Variants in NCOA2 observed in about 807,000 individuals in gnomAD.
NCOA2 encodes the protein nuclear receptor coactivator 2, also known as class E basic helix-loop-helix protein 75.
NCOA2 carries 21 observed loss-of-function variants against 145.1 expected under a neutral mutation model. The ratio of observed to expected loss-of-function variants is 0.14; its 90% CI spans 0.10 to 0.21. The LOEUF is 0.21. Ranked by LOEUF, NCOA2 falls within the 10% of genes least tolerant of loss-of-function variation. NCOA2 has a pLI of 1.00. For synonymous variants in NCOA2, 619 were observed against 637.5 expected (o/e 0.97, Z 0.44); for missense variants, 1,472 against 1,837.6 (o/e 0.80, Z 3.64).
the NCOA2 span, among the ~76,000 whole-genome samples, chr8:70,413,964 C>T: frequency 2.0e-5 from 3 of 151,964 alleles, no homozygotes; most frequent in South Asian, 2.1e-4. Context: ...GCTCTTAAAC[C>T]GAGTGGTAGG....
At chr8:70,333,790 C>T (rs1807310876) in intron 1 of NCOA2, among the ~76,000 whole-genome samples, 2 of 152,202 alleles carry the variant, frequency 1.3e-5, no homozygotes, top group Non-Finnish European at 1.5e-5. Context: ...CATGACAATG[C>T]CCCTTGCCTG....
chr8:70,128,612 C>T, intron 17 of NCOA2, 90 bp downstream of exon 17: 2 of 1,592,430 alleles, frequency 1.3e-6, no homozygotes, highest in Non-Finnish European at 1.7e-6. Flanking sequence ...AGTATCTGCA[C>T]ATTGTTGGAC....
intron 16 of NCOA2, among the ~76,000 whole-genome samples, chr8:70,131,297 A>G (rs1044382611): frequency 1.1e-4 from 16 of 152,330 alleles, no homozygotes; most frequent in African/African-American, 2.9e-4. Flanking sequence ...GGGCTAAACC[A>G]TAAGTGAAAG....
chr8:70,176,244 A>G (rs1814834086), intron 4 of NCOA2, among the ~76,000 whole-genome samples: 1 of 152,210 alleles, frequency 6.6e-6, no homozygotes, highest in East Asian at 1.9e-4. Context: ...TTCTCTGCAG[A>G]GCTTATCATA....
intron 1 of NCOA2, among the ~76,000 whole-genome samples, chr8:70,343,254 T>C (rs1808307482): frequency 6.6e-6 from 1 of 152,210 alleles, no homozygotes; most frequent in African/African-American, 2.4e-5. Flanking sequence ...AAATTTCTAC[T>C]TATGCCTTTT....
chr8:70,288,218 T>C (rs531047320), intron 2 of NCOA2, among the ~76,000 whole-genome samples: 2 of 152,224 alleles, frequency 1.3e-5, no homozygotes, highest in Non-Finnish European at 2.9e-5. Context: ...AAATGATCTT[T>C]CAGTTCCAAG....
the NCOA2 span, among the ~76,000 whole-genome samples, chr8:70,448,198 A>C: frequency 1.3e-5 from 2 of 152,096 alleles, no homozygotes; most frequent in African/African-American, 4.8e-5. Flanking sequence ...AAATTAGAGG[A>C]CTGAGGAAAT....
intron 1 of NCOA2, among the ~76,000 whole-genome samples, chr8:70,317,314 G>A (rs915901272): frequency 6.6e-6 from 1 of 152,134 alleles, no homozygotes. Context: ...CTTAAGAGCT[G>A]TTAGATTAAC....
At chr8:70,367,329 TG>T (rs992226351) in intron 1 of NCOA2, among the ~76,000 whole-genome samples, 3 of 152,220 alleles carry the variant, frequency 2.0e-5, no homozygotes, top group Non-Finnish European at 4.4e-5. Flanking sequence ...ACAGCATTTG[TG>T]AGATTAACAT....
intron 9 of NCOA2, among the ~76,000 whole-genome samples, chr8:70,160,866 T>C (rs1812915193): frequency 6.6e-6 from 1 of 152,244 alleles, no homozygotes; most frequent in Non-Finnish European, 1.5e-5. Context: ...GAAAATGAAT[T>C]ACTGAACATG....
chr8:70,329,899 T>C (rs534693780), intron 1 of NCOA2, among the ~76,000 whole-genome samples: 4 of 152,142 alleles, frequency 2.6e-5, no homozygotes, highest in African/African-American at 7.2e-5. Flanking sequence ...CTCTATCTTA[T>C]AGGGACCAAG....
At chr8:70,434,042 G>A in the NCOA2 span, among the ~76,000 whole-genome samples, 4 of 152,146 alleles carry the variant, frequency 2.6e-5, no homozygotes, top group Non-Finnish European at 5.9e-5. Flanking sequence ...TCATGGAAGT[G>A]AATGAAATTG....
rs932543544 is a variant in NCOA2, at chr8:70,138,289, G to A, written c.3072C>T (p.Ser1024=). The A allele has an allele frequency of 6.2e-7, 1 of 1,613,302 alleles. No individual in the cohort carries two copies. Among genetic ancestry groups the A allele is most frequent in the African/African-American group, 1.3e-5 (1 of 75,030 alleles). ...LEMNMGGPQY[S]QQQAPPNQTA... ...TCTGATTTGGAGGAGCTTGTTGTTG[G>A]CTATACTGAGGTCCCCCCATGTTCA... is the stretch of plus-strand genomic sequence containing the variant. Residue 1024 remains serine, a synonymous_variant, in exon 15 of 23, where the codon AGC becomes AGT. Coordinates refer to ENST00000452400, the MANE Select transcript of NCOA2 (RefSeq NM_006540.4).
At chr8:70,245,529 C>T (rs989162600) in intron 2 of NCOA2, among the ~76,000 whole-genome samples, 3 of 151,986 alleles carry the variant, frequency 2.0e-5, no homozygotes, top group Middle Eastern at 3.2e-3. Flanking sequence ...CCCTCTCTCT[C>T]CCTCTCCTTC....
chr8:70,115,133 GAAGT>G (rs1245592624), intron 22 of NCOA2, among the ~76,000 whole-genome samples: 3 of 151,950 alleles, frequency 2.0e-5, no homozygotes, highest in East Asian at 3.9e-4. Flanking sequence ...AGTCTACTGA[GAAGT>G]ATTTATTTAT....
intron 2 of NCOA2, among the ~76,000 whole-genome samples, chr8:70,283,535 A>T (rs911065598): frequency 6.6e-6 from 1 of 152,168 alleles, no homozygotes; most frequent in African/African-American, 2.4e-5. Context: ...GTTCACTTAC[A>T]CCTTTTTCTG....
At chr8:70,444,524 T>C in the NCOA2 span, among the ~76,000 whole-genome samples, 1 of 152,326 alleles carries the variant, frequency 6.6e-6, no homozygotes, top group East Asian at 1.9e-4. Flanking sequence ...AATGAGTGCA[T>C]ATAAAACAGA....
At chr8:70,399,063 T>C (rs1319469422) in intron 1 of NCOA2, among the ~76,000 whole-genome samples, 1 of 152,254 alleles carries the variant, frequency 6.6e-6, no homozygotes, top group African/African-American at 2.4e-5. Flanking sequence ...AAAAGTCACA[T>C]TCGTGATCAC....
At chr8:70,378,778 ATGT>A (rs1811915402) in intron 1 of NCOA2, among the ~76,000 whole-genome samples, 2 of 151,848 alleles carry the variant, frequency 1.3e-5, no homozygotes, top group South Asian at 4.1e-4. Flanking sequence ...AAATGAAGAA[ATGT>A]TATTCAATCA....
Sources: allele counts gnomAD v4.1 joint callset (sites outside exome capture counted in the v4.1 genomes callset), GRCh38; gene constraint gnomAD v4.1.1; transcripts MANE v1.5; gene names NCBI Gene and HGNC (gene_info 2026-07-23, HGNC 2026-07-21).